Variants in HOOK2 observed in about 807,000 individuals in gnomAD.
The protein encoded by HOOK2 is hook microtubule tethering protein 2.
Under a neutral mutation model 111.9 loss-of-function variants are expected in HOOK2, and 108 were observed. The observed-to-expected ratio is 0.96, with a 90% CI of 0.83 to 1.13. The LOEUF is 1.13. Ranked by LOEUF, HOOK2 falls within the 50% of genes most tolerant of loss-of-function variation. HOOK2 has a pLI of 0.00. For missense variants in HOOK2, 978 were observed against 951.3 expected, an observed-to-expected ratio of 1.03 and a Z score of -0.37; for synonymous variants, 405 against 394.3, an observed-to-expected ratio of 1.03 and a Z score of -0.32.
intron 13 of HOOK2, 101 bp from the exon 14 acceptor site, chr19:12,767,565 C>A: frequency 9.2e-7 from 1 of 1,085,916 alleles, no homozygotes; most frequent in Non-Finnish European, 1.4e-6. Flanking sequence ...CAAGTTCAGC[C>A]AACAGTCTGG....
At chr19:12,780,505 C>T (rs1035030056), upstream of HOOK2, among the ~76,000 whole-genome samples, 3 of 150,968 alleles carry the variant, frequency 2.0e-5, no homozygotes, top group Non-Finnish European at 4.4e-5. Flanking sequence ...TACAGGCGCC[C>T]GCCACCAGGT....
chr19:12,763,405 C>A lies in HOOK2; in HGVS notation c.2037G>T (p.Gly679=). ...GGGCATGGGCAGGCGCCCGCTCCTC[C>A]CCAGCTCGCTGCTGCAAGGCCATGC... is the stretch of plus-strand genomic sequence containing the variant. ...NMGMALQQRA[G]EERAPAHAQS... Residue 679 remains glycine, a synonymous_variant, in exon 23 of 23, where the codon GGG becomes GGT. Coordinates refer to ENST00000397668, the MANE Select transcript of HOOK2 (RefSeq NM_013312.3). 6.2e-7 allele frequency: 1 copy of A among 1,613,994 alleles called. No homozygotes were observed. The highest frequency in any genetic ancestry group is 8.5e-7 in the Non-Finnish European group (1 of 1,179,956).
At chr19:12,792,043 T>A in intron 3 of HOOK2, 1 of 1,610,984 alleles carries the variant, frequency 6.2e-7, no homozygotes, top group South Asian at 1.1e-5. Flanking sequence ...GAACGCCTGA[T>A]TGTCCCCAAC....
chr19:12,772,069 G>C (rs1968354480), intron 7 of HOOK2, 121 bp downstream of exon 7: 4 of 758,744 alleles, frequency 5.3e-6, no homozygotes, highest in Non-Finnish European at 9.3e-6. Context: ...ATCTGTAAGT[G>C]GGGTCTGGAC....
intron 1 of HOOK2, 135 bp downstream of exon 1, chr19:12,775,270 G>C: frequency 2.7e-6 from 4 of 1,470,138 alleles, no homozygotes; most frequent in Non-Finnish European, 3.6e-6. Flanking sequence ...GCTCGGGCCA[G>C]AGTCCAACGG....
chr19:12,772,266 A>G lies in HOOK2; in HGVS notation c.457-14T>C. 6.2e-7 allele frequency: 1 copy of G among 1,613,508 alleles called. No individual in the cohort carries two copies. Reference sequence around the variant, plus strand: ...TTTGGTCATGAGCTGAGGAGTGGGAAGGGGCATTGTAATGAACTGGATATC... The same window carrying G: ...TTTGGTCATGAGCTGAGGAGTGGGAGGGGGCATTGTAATGAACTGGATATC... On this transcript the variant is annotated splice_polypyrimidine_tract_variant and intron_variant, in intron 6 of 22. Transcript: ENST00000397668.
upstream of HOOK2, among the ~76,000 whole-genome samples, chr19:12,779,303 C>T (rs1968572363): frequency 1.3e-5 from 2 of 152,104 alleles, no homozygotes; most frequent in Non-Finnish European, 2.9e-5. Context: ...CAGTCTTCAT[C>T]AGGGCTGAGA....
chr19:12,775,607 C>G, upstream of HOOK2: 1 of 602,710 alleles, frequency 1.7e-6, no homozygotes, highest in Non-Finnish European at 2.5e-6. Flanking sequence ...GCCCCCAAGC[C>G]CAGGCTCCGC....
chr19:12,789,607 C>G (rs1245768844), intron 3 of HOOK2, among the ~76,000 whole-genome samples: 1 of 152,002 alleles, frequency 6.6e-6, no homozygotes, highest in Non-Finnish European at 1.5e-5. Flanking sequence ...AGGAGGCAGC[C>G]GCCGTTCCAG....
upstream of HOOK2, among the ~76,000 whole-genome samples, chr19:12,777,890 G>C (rs528328851): frequency 1.7e-3 from 255 of 152,400 alleles, 1 homozygote; most frequent in Non-Finnish European, 2.8e-3. Context: ...AGTGCTTACT[G>C]TATGCAGTCC....
chr19:12,773,118 C>T, intron 3 of HOOK2, 74 bp from the exon 4 acceptor site: 2 of 1,396,900 alleles, frequency 1.4e-6, no homozygotes, highest in African/African-American at 1.4e-5. Flanking sequence ...ATCCTCTCTC[C>T]ACCTCACTTC....
chr19:12,765,235 T>C lies in HOOK2; in HGVS notation c.1641-154A>G, dbSNP rs756024587. 5.6e-6 allele frequency: 4 copies of C among 715,846 alleles called. No homozygotes were observed. The Admixed American group carries it at 9.9e-5, about 18-fold the overall frequency. The allele number at this position is 715,846 out of a possible 1,614,324, so 44.3% of individuals were successfully genotyped here. A position where few individuals can be genotyped will look rare whatever the true frequency, so the allele number is the denominator to read the frequency against. ...CCCTCATGCCTGGGGCTGTGTGCCC[T>C]GGTCCCACCGGCTCCACAGCTGTCA... is the stretch of plus-strand genomic sequence containing the variant. On this transcript the variant is annotated intron_variant, in intron 18 of 22. Transcript: ENST00000397668.
At position 12,786,123 on chromosome 19, in the gene HOOK2, G is replaced by T. The variant is rs1968653829; in HGVS notation, n.42-11898C>A. On this transcript the variant is annotated intron_variant and non_coding_transcript_variant, in intron 3 of 3. Transcript: ENST00000589765. This position sits in a 1 kb window ranked among gnomAD's most constrained non-coding sequence, Gnocchi z 4.3. ...AGCAGCTTCCTCTCCAGGAGAGGGG[G>T]CAAAGGACCCCCAAACCACAGAGGT... Among the ~76,000 whole-genome samples the T allele has an allele frequency of 6.6e-6, 1 of 152,204 alleles. No individual in the cohort carries two copies. Among genetic ancestry groups the T allele is most frequent in the Admixed American group, 6.5e-5 (1 of 15,288 alleles).
upstream of HOOK2, chr19:12,778,428 G>C (rs1968564930): frequency 6.6e-6 from 1 of 152,270 alleles, no homozygotes; most frequent in Non-Finnish European, 1.5e-5. Context: ...AGCGGGTGGA[G>C]AGGATAGTGG....
At chr19:12,783,340 C>T (rs1208767095), upstream of HOOK2, among the ~76,000 whole-genome samples, 1 of 146,852 alleles carries the variant, frequency 6.8e-6, no homozygotes, top group Non-Finnish European at 1.5e-5. Context: ...TTGGTAGACC[C>T]CCCACCCCCA....
At position 12,786,623 on chromosome 19, in the gene HOOK2, G is replaced by T. The variant is rs990298387; in HGVS notation, n.42-12398C>A. ...AGGGGGCTGTTCTCCCACCCTCCTC[G>T]TGGGGCCGGCCTGGCGCCAGTGGGG... On this transcript the variant is annotated intron_variant and non_coding_transcript_variant, in intron 3 of 3. Transcript: ENST00000589765. This position sits in a 1 kb window ranked among gnomAD's most constrained non-coding sequence, Gnocchi z 4.3. Among the ~76,000 whole-genome samples the T allele has an allele frequency of 6.6e-6, 1 of 152,174 alleles. No homozygotes were observed. The highest frequency in any genetic ancestry group is 6.5e-5 in the Admixed American group (1 of 15,276).
At chr19:12,787,713 A>ATAGT (rs1968671060) in intron 3 of HOOK2, among the ~76,000 whole-genome samples, 1 of 152,056 alleles carries the variant, frequency 6.6e-6, no homozygotes. Context: ...AAGTGCTGAG[A>ATAGT]TTATAGACGT....
chr19:12,763,475 C>T (rs746421791), intron 22 of HOOK2, 44 bp from the exon 23 acceptor site: 6 of 1,613,322 alleles, frequency 3.7e-6, no homozygotes, highest in Non-Finnish European at 5.1e-6. Context: ...CTCACAGGAC[C>T]CCCCCACCAA....
chr19:12,792,105 C>T, intron 3 of HOOK2: 2 of 1,600,024 alleles, frequency 1.2e-6, no homozygotes, highest in Non-Finnish European at 1.7e-6. Flanking sequence ...GTACTTTTAC[C>T]CCCGCGGGGG....
Sources: gnomAD v4.1 joint callset for allele counts (sites outside exome capture counted in the v4.1 genomes callset) on GRCh38, gnomAD v4.1.1 for gene constraint, Gnocchi (gnomAD v3.1) non-coding constraint, MANE v1.5 for transcripts, NCBI Gene and HGNC (gene_info 2026-07-23, HGNC 2026-07-21) for gene names.